The following LIPA variants were observed in gnomAD, a reference collection of about 807,000 sequenced individuals.
LIPA encodes the protein lysosomal acid lipase/cholesteryl ester hydrolase.
In LIPA, 26 loss-of-function variants were observed where a neutral mutation model predicts 40.6. The ratio of observed to expected loss-of-function variants is 0.64; its 90% CI spans 0.47 to 0.89. The LOEUF (loss-of-function observed/expected upper bound fraction) is 0.89. Ranked by LOEUF, LIPA falls within the 40% of genes least tolerant of loss-of-function variation. The pLI is 0.00. For synonymous variants in LIPA, 188 were observed against 168.4 expected, an observed-to-expected ratio of 1.12 and a Z score of -0.90; for missense variants, 455 against 479.6, an observed-to-expected ratio of 0.95 and a Z score of 0.48.
intron 2 of LIPA, among the ~76,000 whole-genome samples, chr10:89,410,501 G>A (rs1841460460): frequency 6.6e-6 from 1 of 152,214 alleles, no homozygotes; most frequent in Admixed American, 6.5e-5. Context: ...TGGAGAATGG[G>A]ATACAAAGGA....
intron 1 of LIPA, chr10:89,327,853 C>T (rs553160246): frequency 1.9e-6 from 1 of 538,042 alleles, no homozygotes; most frequent in Non-Finnish European, 3.3e-6. Context: ...TCATTTTCCT[C>T]CTCCCAACGA....
chr10:89,404,165 T>C (rs1564812054), intron 2 of LIPA: 2 of 152,924 alleles, frequency 1.3e-5, no homozygotes, highest in Non-Finnish European at 2.9e-5. Flanking sequence ...TAACTGCCAT[T>C]GGACTTTTTC....
intron 1 of LIPA, among the ~76,000 whole-genome samples, chr10:89,261,748 C>T (rs1843210655): frequency 6.6e-6 from 1 of 152,154 alleles, no homozygotes. Flanking sequence ...TCTTATTCTT[C>T]CTTGTTCAGA....
chr10:89,351,297 C>G (rs1843957308), intron 2 of LIPA, among the ~76,000 whole-genome samples: 1 of 152,206 alleles, frequency 6.6e-6, no homozygotes, highest in African/African-American at 2.4e-5. Context: ...GCCTGGGCAA[C>G]AGAGCAGAAA....
intron 1 of LIPA, chr10:89,339,799 G>A: frequency 6.2e-7 from 1 of 1,614,180 alleles, no homozygotes; most frequent in Non-Finnish European, 8.5e-7. Context: ...TGTGCAACAT[G>A]GTTTAGAGGG....
rs181090619 is a variant in LIPA at position 89,224,946 on chromosome 10, G to T, written c.675+146C>A. Reference sequence around the variant, plus strand: ...CGGCCACCCCTGGGTCTGGAAGGAGGGGTAAACGGAAAAAGAAAAGCCCAC... The same window carrying T: ...CGGCCACCCCTGGGTCTGGAAGGAGTGGTAAACGGAAAAAGAAAAGCCCAC... On this transcript the variant is annotated intron_variant, in intron 6 of 9. Transcript: ENST00000336233. The T allele has an allele frequency of 1.4e-4, 147 of 1,050,194 alleles. 2 individuals carry two copies. In the East Asian group the frequency reaches 3.1e-3, roughly 22 times the overall value. 65.1% of individuals were successfully genotyped at this position (1,050,194 alleles called of 1,614,324 possible). A position where few individuals can be genotyped will look rare whatever the true frequency, so the allele number is the denominator to read the frequency against.
chr10:89,410,168 G>A (rs918700099), intron 2 of LIPA, among the ~76,000 whole-genome samples: 2 of 152,208 alleles, frequency 1.3e-5, no homozygotes, highest in African/African-American at 4.8e-5. Context: ...CCATCTTAGT[G>A]TCAGAGGCTA....
At chr10:89,347,159 TGCATG>T (rs1259555217), upstream of LIPA, among the ~76,000 whole-genome samples, 1 of 152,162 alleles carries the variant, frequency 6.6e-6, no homozygotes, top group Admixed American at 6.5e-5. Context: ...AGACAAAAAG[TGCATG>T]GGGCCAAGTC....
intron 1 of LIPA, among the ~76,000 whole-genome samples, chr10:89,248,012 C>T (rs578215306): frequency 6.6e-6 from 1 of 151,562 alleles, no homozygotes; most frequent in African/African-American, 2.4e-5. Flanking sequence ...GGACAACAGG[C>T]ACGCACCACC....
intron 2 of LIPA, chr10:89,384,072 C>T: frequency 6.2e-7 from 1 of 1,614,208 alleles, no homozygotes; most frequent in Non-Finnish European, 8.5e-7. Context: ...AGGCCTATGT[C>T]TTTCAATATG....
At chr10:89,412,311 G>A (rs1470915320) in intron 2 of LIPA, among the ~76,000 whole-genome samples, 1 of 151,480 alleles carries the variant, frequency 6.6e-6, no homozygotes, top group African/African-American at 2.4e-5. Flanking sequence ...CACTCTGTGT[G>A]TAGCTAAAAG....
At chr10:89,306,278 G>A (rs1406518480) in intron 1 of LIPA, 9 of 1,613,956 alleles carry the variant, frequency 5.6e-6, no homozygotes, top group African/African-American at 1.3e-5. Context: ...CTATCACATG[G>A]GCCGACTCTC....
chr10:89,300,757 C>A (rs754526831), intron 1 of LIPA, among the ~76,000 whole-genome samples: 2 of 152,156 alleles, frequency 1.3e-5, no homozygotes, highest in Non-Finnish European at 2.9e-5. Flanking sequence ...CAGGCCAAGG[C>A]GGGCAGATCA....
chr10:89,297,358 C>G lies in LIPA; in HGVS notation c.-2+45253G>C, dbSNP rs181200121. 8.3e-4 allele frequency among the ~76,000 whole-genome samples: 126 copies of G among 152,224 alleles called. 1 individual carries two copies. The Middle Eastern group carries it at 0.01, about 12-fold the overall frequency. ...GAACTCACGCTGGGTCTCTCAGCTCCCCCAAGACCTAAGCGGCACCATTGT... is the reference window on the plus strand; with the variant it reads ...GAACTCACGCTGGGTCTCTCAGCTCGCCCAAGACCTAAGCGGCACCATTGT... On this transcript the variant is annotated intron_variant, in intron 1 of 5. Coordinates refer to the LIPA transcript ENST00000282673.
At chr10:89,405,721 C>T (rs2133638996) in intron 2 of LIPA, 1 of 152,390 alleles carries the variant, frequency 6.6e-6, no homozygotes, top group South Asian at 2.1e-4. Flanking sequence ...ACATCTCCTT[C>T]TCTCCTCTGA....
At chr10:89,411,184 CAG>C (rs200305304) in intron 2 of LIPA, among the ~76,000 whole-genome samples, 1,839 of 152,238 alleles carry the variant, frequency 0.012, 20 homozygotes, top group South Asian at 0.045. Flanking sequence ...GGTTTCCTAA[CAG>C]GGGATCTAAA....
At chr10:89,307,338 G>A in intron 1 of LIPA, 1 of 1,609,362 alleles carries the variant, frequency 6.2e-7, no homozygotes, top group Admixed American at 1.7e-5. Context: ...GAGTCTGGAA[G>A]CCTCATCCCT....
intron 2 of LIPA, among the ~76,000 whole-genome samples, chr10:89,407,001 T>A (rs1841421119): frequency 6.6e-6 from 1 of 152,166 alleles, no homozygotes; most frequent in African/African-American, 2.4e-5. Context: ...GCCGCCAGAC[T>A]AAAGACACGG....
At chr10:89,352,716 G>T (rs559549376) in intron 2 of LIPA, among the ~76,000 whole-genome samples, 3 of 148,806 alleles carry the variant, frequency 2.0e-5, no homozygotes, top group Non-Finnish European at 3.0e-5. Flanking sequence ...AAGCCAAAGG[G>T]AAAAGTCAAG....
Sources: allele counts gnomAD v4.1 joint callset (sites outside exome capture counted in the v4.1 genomes callset), GRCh38; gene constraint gnomAD v4.1.1; transcripts MANE v1.5; gene names NCBI Gene and HGNC (gene_info 2026-07-23, HGNC 2026-07-21).